Variants in RHOT1 observed in about 807,000 individuals in gnomAD.
RHOT1 encodes the protein ras homolog family member T1.
In RHOT1, 27 loss-of-function variants were observed where a neutral mutation model predicts 95.3. The ratio of observed to expected loss-of-function variants is 0.28; its 90% confidence interval spans 0.21 to 0.39. The LOEUF is 0.39. Among genes scored for constraint, RHOT1 ranks in the 10% least tolerant of loss-of-function variants. The probability of loss-of-function intolerance (pLI) is 1.00; values close to 1 mark genes in which losing one functional copy is unlikely to be tolerated. For synonymous variants in RHOT1, 227 were observed against 263.5 expected (o/e 0.86, Z 1.34); for missense variants, 578 against 786.7 (o/e 0.73, Z 3.17).
chr17:32,142,517 G>C lies in RHOT1; in HGVS notation c.-176G>C, dbSNP rs2142316624. ...CGCCGCCGCCACAGCCCGCTGGGCC[G>C]GAGGAGGCGGAGCTGGCGCTGTCCC... is the stretch of plus-strand genomic sequence containing the variant. On this transcript the variant is annotated 5_prime_UTR_variant, in exon 1 of 20. Coordinates refer to ENST00000545287, the MANE Select transcript of RHOT1 (RefSeq NM_001033566.3). 2.1e-6 allele frequency: 1 copy of C among 469,034 alleles called. No homozygotes were observed. Among genetic ancestry groups the C allele is most frequent in the Non-Finnish European group, 3.5e-6 (1 of 285,790 alleles). The allele number at this position is 469,034 out of a possible 1,614,324, so 29.1% of individuals were successfully genotyped here.
intron 1 of RHOT1, among the ~76,000 whole-genome samples, chr17:32,153,840 A>G: frequency 6.6e-6 from 1 of 152,316 alleles, no homozygotes; most frequent in East Asian, 1.9e-4. Context: ...TGTATCCTTT[A>G]AAAGGCCTTG....
rs545711058 is a variant in RHOT1, at chr17:32,173,932, A to G, written c.178+20A>G. On this transcript the variant is annotated intron_variant, in intron 3 of 19. Coordinates refer to ENST00000545287, the MANE Select transcript of RHOT1 (RefSeq NM_001033566.3). ...ACTCAGGTAATGAATATCCTCTTGT[A>G]GATGAAGGTGTAGGTTAATTTAATA... 1.1e-5 allele frequency: 17 copies of G among 1,497,708 alleles called. No homozygotes were observed. The highest frequency in any genetic ancestry group is 1.6e-5 in the Non-Finnish European group (17 of 1,080,412). The allele number at this position is 1,497,708 out of a possible 1,614,324, so 92.8% of individuals were successfully genotyped here. A position where few individuals can be genotyped will look rare whatever the true frequency, so the allele number is the denominator to read the frequency against.
chr17:32,192,725 G>A (rs1181938019), intron 9 of RHOT1, among the ~76,000 whole-genome samples: 1 of 145,376 alleles, frequency 6.9e-6, no homozygotes, highest in African/African-American at 2.6e-5. Context: ...AGGCTGTAGT[G>A]CAATGGCGCC....
At chr17:32,166,553 A>G (rs181820973) in intron 1 of RHOT1, among the ~76,000 whole-genome samples, 201 of 152,324 alleles carry the variant, frequency 1.3e-3, no homozygotes, top group African/African-American at 4.6e-3. Flanking sequence ...TCAGAATTGG[A>G]GTCAATCCTC....
At chr17:32,196,181 C>CTT (rs1226938688) in intron 11 of RHOT1, among the ~76,000 whole-genome samples, 44 of 134,524 alleles carry the variant, frequency 3.3e-4, no homozygotes, top group African/African-American at 9.0e-4. Flanking sequence ...CAAGCTGCTG[C>CTT]TTTTTTTTTT....
chr17:32,222,895 G>T (rs754891274), intron 19 of RHOT1: 2 of 985,434 alleles, frequency 2.0e-6, no homozygotes, highest in Non-Finnish European at 2.4e-6. Context: ...ACTTTTTCTT[G>T]AAGCCAGGTA....
intron 1 of RHOT1, among the ~76,000 whole-genome samples, chr17:32,167,713 A>C (rs1386131932): frequency 6.6e-6 from 1 of 152,198 alleles, no homozygotes; most frequent in Non-Finnish European, 1.5e-5. Flanking sequence ...CTCTCTAGCT[A>C]TCGATGGCAT....
rs1442561716 is a variant in RHOT1, at chr17:32,173,918, G to A, written c.178+6G>A. On this transcript the variant is annotated splice_donor_region_variant and intron_variant, in intron 3 of 19. Transcript: ENST00000545287. The stretch of plus-strand genomic sequence containing the variant: ...ACACATTGTAGATTACTCAGGTAAT[G>A]AATATCCTCTTGTAGATGAAGGTGT... The A allele has an allele frequency of 6.4e-7, 1 of 1,570,878 alleles. No homozygotes were observed. Among genetic ancestry groups the A allele is most frequent in the Admixed American group, 1.7e-5 (1 of 58,784 alleles).
At chr17:32,146,288 G>A (rs1040027638) in intron 1 of RHOT1, among the ~76,000 whole-genome samples, 1 of 151,970 alleles carries the variant, frequency 6.6e-6, no homozygotes, top group South Asian at 2.1e-4. Flanking sequence ...TATCCCCAGT[G>A]GCTAGAACAG....
chr17:32,219,100 G>A (rs2038667554), intron 19 of RHOT1, among the ~76,000 whole-genome samples: 1 of 152,112 alleles, frequency 6.6e-6, no homozygotes, highest in Admixed American at 6.6e-5. Context: ...GAATAAGGTG[G>A]GGAGATGAGA....
chr17:32,151,881 CAAA>C (rs60313146), intron 1 of RHOT1, among the ~76,000 whole-genome samples: 6 of 60,806 alleles, frequency 9.9e-5, no homozygotes, highest in Non-Finnish European at 7.5e-5. Flanking sequence ...GACTCCGTCT[CAAA>C]AAAAAAAAAA....
Position 32,201,132 on chromosome 17 carries a change from A to T in RHOT1, c.1201+76A>T. 4 of 808,162 alleles carry T rather than the reference A, an allele frequency of 4.9e-6. No individual in the cohort carries two copies. In the South Asian group the frequency reaches 6.6e-5, roughly 13 times the overall value. 50.1% of individuals were successfully genotyped at this position (808,162 alleles called of 1,614,324 possible). A position where few individuals can be genotyped will look rare whatever the true frequency, so the allele number is the denominator to read the frequency against. On this transcript the variant is annotated intron_variant, in intron 14 of 19. Coordinates refer to ENST00000545287, the MANE Select transcript of RHOT1 (RefSeq NM_001033566.3). ...TCCATTTTCAAATGTAACAAAGAGTAAGAATACACTCATCTTCATTAGTCT... is the reference window on the plus strand; with the variant it reads ...TCCATTTTCAAATGTAACAAAGAGTTAGAATACACTCATCTTCATTAGTCT...
chr17:32,212,110 G>A (rs551810355), intron 19 of RHOT1, among the ~76,000 whole-genome samples: 1 of 152,278 alleles, frequency 6.6e-6, no homozygotes, highest in East Asian at 1.9e-4. Context: ...AGCTGGGCTT[G>A]ATTAAGATCA....
chr17:32,175,272 T>C (rs752980506), intron 3 of RHOT1, 47 bp from the exon 4 acceptor site: 2 of 1,553,836 alleles, frequency 1.3e-6, no homozygotes, highest in Admixed American at 3.3e-5. Context: ...CATTAGTTTT[T>C]ATGAAAGTGT....
At chr17:32,194,163 G>T in intron 11 of RHOT1, 56 bp downstream of exon 11, 3 of 1,561,262 alleles carry the variant, frequency 1.9e-6, no homozygotes, top group South Asian at 2.3e-5. Flanking sequence ...ATTGAGACAG[G>T]ATCTCACTAT....
intron 1 of RHOT1, among the ~76,000 whole-genome samples, chr17:32,164,526 C>T (rs1320523017): frequency 6.6e-6 from 1 of 151,982 alleles, no homozygotes; most frequent in Non-Finnish European, 1.5e-5. Context: ...GCCACCGTGC[C>T]CAGACTAACA....
rs184609307 is a variant in RHOT1 at position 32,175,236 on chromosome 17, G to A, written c.179-83G>A. Reference sequence around the variant, plus strand: ...CATGTCATTTTGAGGGATGTTAGATGAGTGTTGCATAGAATTTAGCTTGGC... The same window carrying A: ...CATGTCATTTTGAGGGATGTTAGATAAGTGTTGCATAGAATTTAGCTTGGC... On this transcript the variant is annotated intron_variant, in intron 3 of 19. Coordinates refer to ENST00000545287, the MANE Select transcript of RHOT1 (RefSeq NM_001033566.3). 111 of 1,117,578 alleles carry A rather than the reference G, an allele frequency of 9.9e-5. No individual in the cohort carries two copies. The African/African-American group carries it at 1.5e-3, about 15-fold the overall frequency. 69.2% of individuals were successfully genotyped at this position (1,117,578 alleles called of 1,614,324 possible).
In RHOT1 at chr17:32,208,254, G is replaced by A. The variant is rs1454514706; in HGVS notation, c.1684G>A (p.Ala562Thr). ...ACCACAAGCCTTCACTTGCAATACT[G>A]CTGATGCCCCCAGTAAGGATATCTT... is the stretch of plus-strand genomic sequence containing the variant. ...PPPQAFTCNT[A>T]DAPSKDIFVK... The change falls in exon 18 of 20, where the codon GCT (alanine) becomes ACT (threonine). Residue 562 changes from alanine (A) to threonine (T), a missense_variant. Transcript: ENST00000545287. 6.2e-7 allele frequency: 1 copy of A among 1,614,018 alleles called. No homozygotes were observed. Among genetic ancestry groups the A allele is most frequent in the Non-Finnish European group, 8.5e-7 (1 of 1,179,948 alleles).
intron 1 of RHOT1, among the ~76,000 whole-genome samples, chr17:32,156,496 C>T (rs2032979276): frequency 1.3e-5 from 2 of 152,178 alleles, no homozygotes; most frequent in African/African-American, 4.8e-5. Context: ...GTTTTGAACT[C>T]CTGGGCTCAA....
Sources: allele counts gnomAD v4.1 joint callset (sites outside exome capture counted in the v4.1 genomes callset), GRCh38; gene constraint gnomAD v4.1.1; transcripts MANE v1.5; gene names NCBI Gene and HGNC (gene_info 2026-07-23, HGNC 2026-07-21).